DDX27: variants seen among roughly 807,000 people sequenced by gnomAD.
The protein encoded by DDX27 is probable ATP-dependent RNA helicase DDX27.
In DDX27, 42 loss-of-function variants were observed where a neutral mutation model predicts 99.3. The ratio of observed to expected loss-of-function variants is 0.42; its 90% CI spans 0.33 to 0.55. The LOEUF is 0.55. DDX27 is among the 20% of genes least tolerant of loss of function. The pLI is 0.07. For synonymous variants in DDX27, 329 were observed against 353.8 expected (o/e 0.93, Z 0.79); for missense variants, 798 against 976.8 (o/e 0.82, Z 2.44).
At chr20:49,226,352 T>G in intron 6 of DDX27, 78 bp from the exon 7 acceptor site, 1 of 1,087,218 alleles carries the variant, frequency 9.2e-7, no homozygotes, top group Non-Finnish European at 1.3e-6. Flanking sequence ...TCCCCACTTG[T>G]CTGGAAACCT....
At position 49,242,115 on chromosome 20, in the gene DDX27, G is replaced by A. The variant is rs1465473605; in HGVS notation, c.2025G>A (p.Lys675=). 1.9e-6 allele frequency: 3 copies of A among 1,614,216 alleles called. No individual in the cohort carries two copies. Among genetic ancestry groups the A allele is most frequent in the Non-Finnish European group, 2.5e-6 (3 of 1,180,040 alleles). The change falls in exon 18 of 21, where the codon AAG becomes AAA. Residue 675 remains lysine (K), a synonymous_variant. Coordinates refer to ENST00000618172, the MANE Select transcript of DDX27 (RefSeq NM_017895.8). ...AAAGGTCTCAGTTTGAAATCCTCAA[G>A]GCGCAGATGTTTGCTGAACGGCTAG... The part of the protein sequence containing the change: ...AEERSQFEIL[K]AQMFAERLAK...
chr20:49,239,073 G>C lies in DDX27; in HGVS notation c.1794+18G>C. The C allele has an allele frequency of 6.2e-7, 1 of 1,603,440 alleles. No individual in the cohort carries two copies. Among genetic ancestry groups the C allele is most frequent in the Non-Finnish European group, 8.5e-7 (1 of 1,170,348 alleles). On this transcript the variant is annotated intron_variant, in intron 15 of 20. Transcript: ENST00000618172. ...AAGCCCAGGTGAGGCTGCGAGGCGG[G>C]ATCTTGTTCACAAGGCTGCTCAGTA...
chr20:49,238,765 C>CTTTT lies in DDX27; in HGVS notation c.1688-162_1688-159dup, dbSNP rs71186443. 837 of 239,676 alleles carry CTTTT rather than the reference C, an allele frequency of 3.5e-3. 205 individuals are homozygous for CTTTT. The highest frequency in any genetic ancestry group is 0.012 in the Middle Eastern group (8 of 642). 14.8% of individuals were successfully genotyped at this position (239,676 alleles called of 1,614,324 possible). Reference sequence around the variant, plus strand: ...TACAGGCATGAGCCACTGTGCCTGGCTTTTTTTTTTTTTTTTTTTTTTTTT... The same window carrying CTTTT: ...TACAGGCATGAGCCACTGTGCCTGGCTTTTTTTTTTTTTTTTTTTTTTTTTTTTT... On this transcript the variant is annotated intron_variant, in intron 14 of 20. Coordinates refer to ENST00000618172, the MANE Select transcript of DDX27 (RefSeq NM_017895.8).
rs937475616 is a variant in DDX27, at chr20:49,230,286, T to A, written c.968T>A (p.Leu323His). The A allele has an allele frequency of 3.1e-6, 5 of 1,612,812 alleles. No homozygotes were observed. Among genetic ancestry groups the A allele is most frequent in the Non-Finnish European group, 4.2e-6 (5 of 1,180,016 alleles). Residue 323 changes from leucine (L) to histidine (H), a missense_variant, in exon 9 of 21, where the codon CTC becomes CAC. By Grantham distance (99) the Leu-to-His change is moderately conservative. Transcript: ENST00000618172. ...ACCCCAGGCCGGCTCATCGATCACC[T>A]CCACAACTGCCCTTCCTTCCACCTG... ...IATPGRLIDH[L>H]HNCPSFHLSS...
chr20:49,226,977 C>CAAG (rs1979917992), intron 7 of DDX27, among the ~76,000 whole-genome samples: 2 of 146,080 alleles, frequency 1.4e-5, no homozygotes, highest in Non-Finnish European at 3.0e-5. Flanking sequence ...ATTCTCCTGC[C>CAAG]TCAGCCTCCC....
In DDX27 at chr20:49,236,415, G is replaced by T. The variant is rs779990675; in HGVS notation, c.1592G>T (p.Arg531Leu). Residue 531 changes from arginine to leucine, a missense_variant, in exon 14 of 21, where the codon CGC becomes CTC. Coordinates refer to ENST00000618172, the MANE Select transcript of DDX27 (RefSeq NM_017895.8). The surrounding 1 kb of genome is among the most constrained non-coding windows in gnomAD (Gnocchi z 4.1). ...ACAGCACGTGCTGGCAGGGCTGGGC[G>T]CTCAGTCTCTCTGGTGGGAGAAGAT... ...GRTARAGRAG[R>L]SVSLVGEDER... The T allele has an allele frequency of 6.2e-7, 1 of 1,612,942 alleles. No homozygotes were observed. The highest frequency in any genetic ancestry group is 8.5e-7 in the Non-Finnish European group (1 of 1,179,540).
intron 2 of DDX27, among the ~76,000 whole-genome samples, chr20:49,222,640 G>A (rs1046571603): frequency 1.3e-5 from 2 of 151,898 alleles, no homozygotes; most frequent in Non-Finnish European, 2.9e-5. Flanking sequence ...TCAGCCTCCC[G>A]AGTAGCTGGG....
chr20:49,236,093 G>A lies in DDX27; in HGVS notation c.1428-57G>A. The A allele has an allele frequency of 2.6e-6, 4 of 1,518,688 alleles. No homozygotes were observed. The highest frequency in any genetic ancestry group is 3.6e-6 in the Non-Finnish European group (4 of 1,111,822). The allele number at this position is 1,518,688 out of a possible 1,614,324, so 94.1% of individuals were successfully genotyped here. ...CTGTCCTCTGCTGGCTCAGGCTCTT[G>A]TGGAGCATTATTAGGGGAGGGTGTC... On this transcript the variant is annotated intron_variant, in intron 12 of 20. Coordinates refer to ENST00000618172, the MANE Select transcript of DDX27 (RefSeq NM_017895.8). The surrounding 1 kb of genome is among the most constrained non-coding windows in gnomAD (Gnocchi z 4.1).
At chr20:49,242,779 G>C (rs1980524259) in intron 19 of DDX27, 98 bp downstream of exon 19, 1 of 1,178,656 alleles carries the variant, frequency 8.5e-7, no homozygotes, top group Non-Finnish European at 1.2e-6. Context: ...GTGGAGTGCA[G>C]TGGTGCATCT....
rs780660531 is a variant in DDX27, at chr20:49,243,693, T to G, written c.2269T>G (p.Ser757Ala). The change falls in exon 20 of 21, where the codon TCT (serine) becomes GCT (alanine). Residue 757 changes from serine (S) to alanine (A), a missense_variant. By Grantham distance (99) the Ser-to-Ala change is moderately conservative. This residue lies in a region of DDX27 where 553 missense variants were observed against 727.9 expected (regional missense o/e 0.76). Transcript: ENST00000618172. ...PHQRRGGNFK[S>A]KSRYKRRK ...CCAGAGACGAGGAGGAAACTTTAAA[T>G]CTAAATCCAGGTGATACTGGCTGTT... The G allele has an allele frequency of 6.2e-7, 1 of 1,614,202 alleles. No homozygotes were observed. The highest frequency in any genetic ancestry group is 1.1e-5 in the South Asian group (1 of 91,088).
At position 49,227,749 on chromosome 20, in the gene DDX27, C is replaced by T. The variant is rs576580170; in HGVS notation, c.707-966C>T. Among the ~76,000 whole-genome samples, 5 of 152,110 alleles carry T rather than the reference C, an allele frequency of 3.3e-5. No homozygotes were observed. The East Asian group carries it at 5.8e-4, about 18-fold the overall frequency. ...TAGTGGGCCACAAGTTTCAAAGGGT[C>T]TGATGAAGGTCATTTTCATTTAATC... is the stretch of plus-strand genomic sequence containing the variant. On this transcript the variant is annotated intron_variant, in intron 7 of 20. Transcript: ENST00000618172.
intron 16 of DDX27, 32 bp downstream of exon 16, chr20:49,239,370 T>C: frequency 6.6e-7 from 1 of 1,517,996 alleles, no homozygotes; most frequent in Non-Finnish European, 9.1e-7. Flanking sequence ...GAAATCTAAA[T>C]ACAGAATTAC....
At chr20:49,224,659 G>T in intron 4 of DDX27, 1 of 331,342 alleles carries the variant, frequency 3.0e-6, no homozygotes, top group Non-Finnish European at 5.5e-6. Flanking sequence ...CACTGCTTCC[G>T]CCCTCAATAA....
In DDX27 at chr20:49,236,002, C is replaced by CA. The variant is rs1980292034; in HGVS notation, c.1428-145dup. ...TCGTGATCTGCCCACCTCGGCCTCC[C>CA]AAAGTGCTGGGATTACAGGCGTGAG... On this transcript the variant is annotated intron_variant, in intron 12 of 20. Transcript: ENST00000618172. This position sits in a 1 kb window ranked among gnomAD's most constrained non-coding sequence, Gnocchi z 4.1. 2 of 614,200 alleles carry CA rather than the reference C, an allele frequency of 3.3e-6. No individual in the cohort carries two copies. Among genetic ancestry groups the CA allele is most frequent in the Admixed American group, 3.6e-5 (1 of 27,726 alleles). 38.0% of individuals were successfully genotyped at this position (614,200 alleles called of 1,614,324 possible).
At position 49,220,211 on chromosome 20, in the gene DDX27, C is replaced by T. The variant is rs547051712; in HGVS notation, c.93+670C>T. On this transcript the variant is annotated intron_variant, in intron 1 of 20. Coordinates refer to ENST00000618172, the MANE Select transcript of DDX27 (RefSeq NM_017895.8). ...ACTTGTGTTCACTCTCATCCTGTTC[C>T]CTTCTCAAGCCAGAAACCTTAGAGT... Among the ~76,000 whole-genome samples, 26 of 152,234 alleles carry T rather than the reference C, an allele frequency of 1.7e-4. No homozygotes were observed. The South Asian group carries it at 5.0e-3, about 29-fold the overall frequency.
Position 49,242,205 on chromosome 20 carries a change from T to C in DDX27, c.2115T>C (p.Pro705=), listed in dbSNP as rs1279855979. 12 of 1,613,936 alleles carry C rather than the reference T, an allele frequency of 7.4e-6. No individual in the cohort carries two copies. The highest frequency in any genetic ancestry group is 1.0e-5 in the Non-Finnish European group (12 of 1,179,982). ...AMPEEEPVRG[P]AKKQKQGKKS... ...CCGAGGAGGAGCCAGTGAGAGGTCC[T>C]GGTAGGTGAATGGGGAGCCCAAAGG... Residue 705 remains proline, a splice_region_variant and synonymous_variant, in exon 18 of 21, where the codon CCT becomes CCC. Coordinates refer to ENST00000618172, the MANE Select transcript of DDX27 (RefSeq NM_017895.8).
intron 4 of DDX27, 46 bp from the exon 5 acceptor site, chr20:49,224,899 C>T (rs1434001825): frequency 1.5e-5 from 24 of 1,609,418 alleles, no homozygotes; most frequent in Non-Finnish European, 2.0e-5. Context: ...GATGCAAGTG[C>T]TTTGTAAGTC....
At chr20:49,222,433 T>C (rs60888246) in intron 2 of DDX27, among the ~76,000 whole-genome samples, 47,486 of 151,970 alleles carry the variant, frequency 0.31, 8,244 homozygotes, top group African/African-American at 0.45. Context: ...CCTCAGCCTC[T>C]TGAGTAGCTG....
At chr20:49,241,090 C>T (rs1262209066) in intron 16 of DDX27, among the ~76,000 whole-genome samples, 1 of 152,152 alleles carries the variant, frequency 6.6e-6, no homozygotes, top group Admixed American at 6.6e-5. Context: ...AGGGAATAAC[C>T]TTGCACATAT....
Sources: gnomAD v4.1 joint callset for allele counts (sites outside exome capture counted in the v4.1 genomes callset) on GRCh38, gnomAD v4.1.1 for gene constraint, gnomAD v4.1.1 regional missense constraint, Gnocchi (gnomAD v3.1) non-coding constraint, MANE v1.5 for transcripts, NCBI Gene and HGNC (gene_info 2026-07-23, HGNC 2026-07-21) for gene names.